Variants in IL17RB observed in about 807,000 individuals in gnomAD.
The protein encoded by IL17RB is interleukin 17 receptor B.
Under a neutral mutation model 43.9 loss-of-function variants are expected in IL17RB, and 36 were observed. The observed-to-expected ratio is 0.82, with a 90% confidence interval of 0.63 to 1.08. The LOEUF (loss-of-function observed/expected upper bound fraction) is 1.08, where lower values mean the gene tolerates loss of function less well. Among genes scored for constraint, IL17RB ranks in the 50% least tolerant of loss-of-function variants. The probability of loss-of-function intolerance (pLI) is 0.00; values close to 1 mark genes in which losing one functional copy is unlikely to be tolerated. For missense variants in IL17RB, 613 were observed against 613.6 expected (o/e 1.00, Z 0.01); for synonymous variants, 225 against 225.4 (o/e 1.00, Z 0.02).
chr3:53,864,739 C>T lies in IL17RB; in HGVS notation c.947-7C>T. The T allele has an allele frequency of 1.3e-6, 2 of 1,588,954 alleles. No individual in the cohort carries two copies. The highest frequency in any genetic ancestry group is 2.2e-5 in the South Asian group (2 of 88,894). On this transcript the variant is annotated splice_region_variant and splice_polypyrimidine_tract_variant and intron_variant, in intron 10 of 10. Transcript: ENST00000288167. ...CACAGATAACAAATGCTTTTCTCCTCTCACAGAAAGGATCAAGAAGACTTC... is the reference window on the plus strand; with the variant it reads ...CACAGATAACAAATGCTTTTCTCCTTTCACAGAAAGGATCAAGAAGACTTC...
chr3:53,852,030 T>A lies in IL17RB; in HGVS notation c.258T>A (p.Ile86=), dbSNP rs1420029768. 1.2e-6 allele frequency: 2 copies of A among 1,614,116 alleles called. No homozygotes were observed. Among genetic ancestry groups the A allele is most frequent in the Non-Finnish European group, 1.7e-6 (2 of 1,180,028 alleles). The change falls in exon 4 of 11, where the codon ATT becomes ATA. Residue 86 remains isoleucine, a synonymous_variant. Transcript: ENST00000288167. ...ASIRLLKATK[I]CVTGKSNFQS... ...TCCGCTTGTTGAAGGCCACCAAGATTTGTGTGACGGGCAAAAGCAACTTCC... is the reference window on the plus strand; with the variant it reads ...TCCGCTTGTTGAAGGCCACCAAGATATGTGTGACGGGCAAAAGCAACTTCC...
rs2232334 is a variant in IL17RB at position 53,852,141 on chromosome 3, G to A, written c.354+15G>A. On this transcript the variant is annotated intron_variant, in intron 4 of 10. Transcript: ENST00000288167. ...CTGGTGGTAAAGTAAGCACTTTTTT[G>A]TTTTTTGTTTTGTTTTTTGAGATAG... 46,894 of 1,612,538 alleles carry A rather than the reference G, an allele frequency of 0.029. 843 individuals are homozygous for A. The highest frequency in any genetic ancestry group is 0.067 in the African/African-American group (4,991 of 74,898).
intron 8 of IL17RB, chr3:53,858,504 C>T: frequency 1.4e-6 from 2 of 1,403,180 alleles, no homozygotes; most frequent in Non-Finnish European, 1.9e-6. Flanking sequence ...AGTTTAGGTT[C>T]AGACCCCGGG....
At chr3:53,846,894 A>G (rs929780512) in intron 1 of IL17RB, among the ~76,000 whole-genome samples, 7 of 152,198 alleles carry the variant, frequency 4.6e-5, no homozygotes, top group Non-Finnish European at 7.4e-5. Flanking sequence ...TATGCTCACC[A>G]AGTTCCAAGT....
intron 7 of IL17RB, among the ~76,000 whole-genome samples, 187 bp downstream of exon 7, chr3:53,857,173 C>T (rs74624520): frequency 0.012 from 1,848 of 152,230 alleles, 39 homozygotes; most frequent in African/African-American, 0.042. Context: ...AGGAAGTCTC[C>T]GAAGCAGGAA....
At chr3:53,861,357 T>C (rs971006166) in intron 10 of IL17RB, 2 of 151,764 alleles carry the variant, frequency 1.3e-5, no homozygotes, top group African/African-American at 4.8e-5. Context: ...AAATTGAGGG[T>C]CTGCAGCTGT....
At chr3:53,853,568 G>T (rs41292476) in intron 5 of IL17RB, among the ~76,000 whole-genome samples, 33,346 of 152,160 alleles carry the variant, frequency 0.22, 4,598 homozygotes, top group East Asian at 0.4. Context: ...CCTTGCCCCA[G>T]CTTTGTGACA....
At chr3:53,852,524 G>T (rs1475462183) in intron 4 of IL17RB, among the ~76,000 whole-genome samples, 1 of 152,208 alleles carries the variant, frequency 6.6e-6, no homozygotes, top group Non-Finnish European at 1.5e-5. Flanking sequence ...ACACGGGCTG[G>T]TAAATAGCTA....
In IL17RB at chr3:53,865,594, A is replaced by C; in HGVS notation, c.*286A>C. ...TGCAACAATAAAGCATCTTCAGCCA[A>C]ACATCTAGTCTTCCATAGACCATGC... On this transcript the variant is annotated 3_prime_UTR_variant, in exon 11 of 11. Coordinates refer to ENST00000288167, the MANE Select transcript of IL17RB (RefSeq NM_018725.4). 2.8e-6 allele frequency: 1 copy of C among 358,284 alleles called. No individual in the cohort carries two copies. Among genetic ancestry groups the C allele is most frequent in the Non-Finnish European group, 5.1e-6 (1 of 196,482 alleles). The allele number at this position is 358,284 out of a possible 1,614,324, so 22.2% of individuals were successfully genotyped here.
At chr3:53,858,552 C>A (rs1699436144) in intron 8 of IL17RB, 167 bp from the exon 9 acceptor site, 12 of 1,436,624 alleles carry the variant, frequency 8.4e-6, no homozygotes, top group Non-Finnish European at 1.1e-5. Context: ...CTGGTTTTGA[C>A]TTTAGGGCTT....
In IL17RB at chr3:53,865,186, T is replaced by G. The variant is rs374795284; in HGVS notation, c.1387T>G (p.Cys463Gly). The part of the protein sequence containing the change: ...TKDDYNALSV[C>G]PKYHLMKDAT... ...AGACGATTACAATGCTCTCAGTGTC[T>G]GCCCCAAGTACCACCTCATGAAGGA... The change falls in exon 11 of 11, where the codon TGC (cysteine) becomes GGC (glycine). Residue 463 changes from cysteine to glycine, a missense_variant. By Grantham distance (159) the Cys-to-Gly change is radical (BLOSUM62 -3). Transcript: ENST00000288167. 340 of 1,614,156 alleles carry G rather than the reference T, an allele frequency of 2.1e-4. 16 individuals carry two copies. In the South Asian group the frequency reaches 3.1e-3, roughly 15 times the overall value.
At chr3:53,846,957 A>T (rs1698930566) in intron 1 of IL17RB, among the ~76,000 whole-genome samples, 1 of 152,246 alleles carries the variant, frequency 6.6e-6, no homozygotes, top group African/African-American at 2.4e-5. Flanking sequence ...CTCTTAAGGT[A>T]TAACGACATG....
chr3:53,854,686 G>A (rs1377965015), intron 5 of IL17RB, among the ~76,000 whole-genome samples: 1 of 152,202 alleles, frequency 6.6e-6, no homozygotes, highest in Non-Finnish European at 1.5e-5. Context: ...ACTTCTCCAT[G>A]TAAATCTACT....
chr3:53,852,455 G>C (rs1363351429), intron 4 of IL17RB, among the ~76,000 whole-genome samples: 1 of 151,426 alleles, frequency 6.6e-6, no homozygotes, highest in Non-Finnish European at 1.5e-5. Flanking sequence ...TTATGTATTT[G>C]GCTAATTGTT....
rs188983439 is a variant in IL17RB at position 53,849,947 on chromosome 3, G to A, written c.226+152G>A. On this transcript the variant is annotated intron_variant, in intron 3 of 10. Transcript: ENST00000288167. ...GCCACATACTAGGGTGATCGCAGTAGCACTACTTACAACAGGCAACATTAG... is the reference window on the plus strand; with the variant it reads ...GCCACATACTAGGGTGATCGCAGTAACACTACTTACAACAGGCAACATTAG... 4.3e-4 allele frequency: 254 copies of A among 595,710 alleles called. No homozygotes were observed. The African/African-American group carries it at 4.3e-3, about 10-fold the overall frequency. The allele number at this position is 595,710 out of a possible 1,614,324, so 36.9% of individuals were successfully genotyped here.
chr3:53,849,541 A>AT, intron 2 of IL17RB, 114 bp from the exon 3 acceptor site: 16 of 976,578 alleles, frequency 1.6e-5, no homozygotes, highest in Non-Finnish European at 2.2e-5. Context: ...TAAAAAAAAA[A>AT]GAAGTGAGGA....
At position 53,846,618 on chromosome 3, in the gene IL17RB, G is replaced by T. The variant is rs1412552695; in HGVS notation, c.30G>T (p.Ala10=). 4 of 1,592,404 alleles carry T rather than the reference G, an allele frequency of 2.5e-6. No homozygotes were observed. In the Admixed American group the frequency reaches 6.8e-5, roughly 27 times the overall value. ...CGCTCGTGCTGCTAAGCCTGGCCGC[G>T]CTGTGCAGGAGCGCCGTACCCCGAG... is the stretch of plus-strand genomic sequence containing the variant. The part of the protein sequence containing the change: MSLVLLSLA[A]LCRSAVPREP... Residue 10 remains alanine (A), a synonymous_variant, in exon 1 of 11, where the codon GCG becomes GCT. Coordinates refer to ENST00000288167, the MANE Select transcript of IL17RB (RefSeq NM_018725.4).
rs370221101 is a variant in IL17RB at position 53,853,010 on chromosome 3, A to G, written c.481+13A>G. On this transcript the variant is annotated intron_variant, in intron 5 of 10. Coordinates refer to ENST00000288167, the MANE Select transcript of IL17RB (RefSeq NM_018725.4). ...TTCACCTCACCAGGTAAACTTCCTC[A>G]TTTGTTTATTATTCTTTGTCTTGCT... 1 of 1,613,656 alleles carries G rather than the reference A, an allele frequency of 6.2e-7. No homozygotes were observed. The highest frequency in any genetic ancestry group is 8.5e-7 in the Non-Finnish European group (1 of 1,179,766).
intron 6 of IL17RB, among the ~76,000 whole-genome samples, chr3:53,856,182 A>G (rs1367546407): frequency 1.3e-5 from 2 of 152,232 alleles, no homozygotes; most frequent in Admixed American, 6.5e-5. Flanking sequence ...TCCTAAAGAC[A>G]GTTCTGAGCC....
Sources: allele counts gnomAD v4.1 joint callset (sites outside exome capture counted in the v4.1 genomes callset), GRCh38; gene constraint gnomAD v4.1.1; transcripts MANE v1.5; gene names NCBI Gene and HGNC (gene_info 2026-07-23, HGNC 2026-07-21).